TAS2R1: variants seen among roughly 807,000 people sequenced by gnomAD.
TAS2R1 encodes the protein taste receptor type 2 member 1.
For synonymous variants in TAS2R1, 141 were observed against 134.2 expected (o/e 1.05, Z -0.35); for missense variants, 370 against 353.4 (o/e 1.05, Z -0.38).
the TAS2R1 span, among the ~76,000 whole-genome samples, chr5:9,868,176 C>A: frequency 6.6e-6 from 1 of 152,222 alleles, no homozygotes; most frequent in Non-Finnish European, 1.5e-5. Context: ...GGTCTCTTCT[C>A]ACAGCTCCAC....
At chr5:9,889,831 G>A in the TAS2R1 span, 3 of 152,220 alleles carry the variant, frequency 2.0e-5, no homozygotes, top group East Asian at 1.9e-4. Flanking sequence ...CAAGGACTCC[G>A]TGGTCTCAGA....
At chr5:9,817,359 G>C in the TAS2R1 span, among the ~76,000 whole-genome samples, 1 of 152,088 alleles carries the variant, frequency 6.6e-6, no homozygotes, top group East Asian at 1.9e-4. Flanking sequence ...TGTTTTCTTG[G>C]AAAAAGTTTG....
chr5:9,846,964 T>C, the TAS2R1 span, among the ~76,000 whole-genome samples: 1 of 152,230 alleles, frequency 6.6e-6, no homozygotes, highest in Admixed American at 6.5e-5. Flanking sequence ...CCATCTGCCT[T>C]AGCTGTTCAA....
chr5:9,642,844 T>C (rs1019410603), intron 2 of TAS2R1, among the ~76,000 whole-genome samples: 1 of 152,194 alleles, frequency 6.6e-6, no homozygotes, highest in Non-Finnish European at 1.5e-5. Context: ...GATGCTGCAG[T>C]TGAATCATGG....
At chr5:9,767,668 G>C in the TAS2R1 span, among the ~76,000 whole-genome samples, 7 of 152,042 alleles carry the variant, frequency 4.6e-5, no homozygotes, top group African/African-American at 1.4e-4. Context: ...GGTGTCTCAC[G>C]CCTGTACTCT....
chr5:9,818,556 G>C, the TAS2R1 span, among the ~76,000 whole-genome samples: 4 of 152,334 alleles, frequency 2.6e-5, no homozygotes, highest in African/African-American at 9.6e-5. Context: ...CTGGCTGTGG[G>C]CCAGGGTGAT....
chr5:9,787,073 T>C, the TAS2R1 span, among the ~76,000 whole-genome samples: 1 of 152,226 alleles, frequency 6.6e-6, no homozygotes, highest in Non-Finnish European at 1.5e-5. Flanking sequence ...TTTCTCCACT[T>C]GACCTCAGTG....
chr5:9,693,496 C>A (rs1443735187), intron 1 of TAS2R1, among the ~76,000 whole-genome samples: 1 of 132,378 alleles, frequency 7.6e-6, no homozygotes, highest in Non-Finnish European at 1.5e-5. Context: ...TACACTCCAG[C>A]CTGGGCAATA....
At chr5:9,775,765 G>A in the TAS2R1 span, among the ~76,000 whole-genome samples, 10 of 152,142 alleles carry the variant, frequency 6.6e-5, no homozygotes, top group Admixed American at 2.6e-4. Flanking sequence ...GGGGCCTCAG[G>A]ACTCTGTTGG....
At chr5:9,895,230 G>A in the TAS2R1 span, among the ~76,000 whole-genome samples, 4 of 152,230 alleles carry the variant, frequency 2.6e-5, no homozygotes, top group African/African-American at 9.6e-5. Context: ...TGCAAAACCA[G>A]TGCCTTCTGA....
At chr5:9,840,850 TTTA>T in the TAS2R1 span, among the ~76,000 whole-genome samples, 19 of 12,422 alleles carry the variant, frequency 1.5e-3, no homozygotes, top group African/African-American at 3.9e-3. Flanking sequence ...TATTTATTTA[TTTA>T]TTTATTTTTT....
At chr5:9,777,622 C>T in the TAS2R1 span, among the ~76,000 whole-genome samples, 1 of 152,220 alleles carries the variant, frequency 6.6e-6, no homozygotes, top group Admixed American at 6.5e-5. Flanking sequence ...CCATGAATCA[C>T]AAGTGTTCTT....
At chr5:9,823,060 A>G in the TAS2R1 span, among the ~76,000 whole-genome samples, 1 of 152,012 alleles carries the variant, frequency 6.6e-6, no homozygotes, top group Non-Finnish European at 1.5e-5. Context: ...GGAAAAACAG[A>G]ACAAGAACTG....
the TAS2R1 span, among the ~76,000 whole-genome samples, chr5:9,865,198 A>G: frequency 2.6e-5 from 4 of 152,262 alleles, no homozygotes; most frequent in South Asian, 2.1e-4. Context: ...AGATGGAGCT[A>G]ATGGTGTCCT....
the TAS2R1 span, among the ~76,000 whole-genome samples, chr5:9,850,951 C>T: frequency 1.3e-5 from 2 of 152,124 alleles, no homozygotes; most frequent in African/African-American, 4.8e-5. Flanking sequence ...TGAAAGAGAA[C>T]ATTCTGTTTC....
At chr5:9,716,631 T>C (rs1335136196), upstream of TAS2R1, among the ~76,000 whole-genome samples, 1 of 152,084 alleles carries the variant, frequency 6.6e-6, no homozygotes. Flanking sequence ...AGTTCCCCCA[T>C]TTCTGCTCTC....
the TAS2R1 span, among the ~76,000 whole-genome samples, chr5:9,893,810 A>AAAGGAGG: frequency 3.3e-5 from 5 of 152,190 alleles, no homozygotes; most frequent in African/African-American, 1.2e-4. Flanking sequence ...GTGGGAGGAA[A>AAAGGAGG]AAGGAGGAAG....
At chr5:9,882,427 A>T in the TAS2R1 span, among the ~76,000 whole-genome samples, 101 of 152,302 alleles carry the variant, frequency 6.6e-4, 1 homozygote, top group South Asian at 2.7e-3. Flanking sequence ...GTAATTCAAG[A>T]CCAGCTAGGC....
chr5:9,737,674 G>GAAC, the TAS2R1 span, among the ~76,000 whole-genome samples: 1 of 152,144 alleles, frequency 6.6e-6, no homozygotes, highest in Non-Finnish European at 1.5e-5. Flanking sequence ...TGGACAAACA[G>GAAC]AACAGGCAAG....
Sources: allele counts gnomAD v4.1 joint callset (sites outside exome capture counted in the v4.1 genomes callset), GRCh38; gene constraint gnomAD v4.1.1; transcripts MANE v1.5; gene names NCBI Gene and HGNC (gene_info 2026-07-23, HGNC 2026-07-21).